Variants in SARNP observed in about 807,000 individuals in gnomAD.
SARNP encodes SAP domain containing ribonucleoprotein, also known as SAP domain-containing ribonucleoprotein.
Under a neutral mutation model 38.1 loss-of-function variants are expected in SARNP, and 5 were observed. That is an observed-to-expected ratio of 0.13 (90% CI 0.07 to 0.28). SARNP has a LOEUF of 0.28. SARNP is among the 10% of genes least tolerant of loss of function. The pLI, the probability that SARNP is intolerant of heterozygous loss-of-function variation, is 1.00. For missense variants in SARNP, 180 were observed against 243.9 expected, an observed-to-expected ratio of 0.74 and a Z score of 1.75; for synonymous variants, 84 against 80.6, an observed-to-expected ratio of 1.04 and a Z score of -0.23.
At chr12:55,782,559 T>G (rs1449210487) in intron 9 of SARNP, among the ~76,000 whole-genome samples, 1 of 152,160 alleles carries the variant, frequency 6.6e-6, no homozygotes, top group Non-Finnish European at 1.5e-5. Context: ...CTTTATTCCC[T>G]CTATCCATCT....
rs139013362 is a variant in SARNP at position 55,790,689 on chromosome 12, C to G, written c.407-97G>C. The G allele has an allele frequency of 3.0e-3, 3,557 of 1,193,296 alleles. 80 individuals are homozygous for G. The East Asian group carries it at 0.064, about 21-fold the overall frequency. The allele number at this position is 1,193,296 out of a possible 1,614,324, so 73.9% of individuals were successfully genotyped here. On this transcript the variant is annotated intron_variant, in intron 7 of 10. Transcript: ENST00000336133. ...AGGCAACATAAAAACATCCTTTATC[C>G]TATGATGACAAAGAAAAGGCAGAAA...
At chr12:55,785,480 A>G (rs1373269632) in intron 9 of SARNP, among the ~76,000 whole-genome samples, 1 of 151,986 alleles carries the variant, frequency 6.6e-6, no homozygotes, top group Non-Finnish European at 1.5e-5. Context: ...TACTGTATAC[A>G]ATTTTTTTTT....
intron 6 of SARNP, 148 bp from the exon 7 acceptor site, chr12:55,794,535 T>A: frequency 1.5e-5 from 11 of 747,770 alleles, no homozygotes; most frequent in Non-Finnish European, 2.1e-5. Flanking sequence ...ATGAAAGAGG[T>A]TCAGAAATTA....
intron 7 of SARNP, among the ~76,000 whole-genome samples, chr12:55,791,457 G>A (rs1343353885): frequency 6.6e-6 from 1 of 152,108 alleles, no homozygotes; most frequent in Non-Finnish European, 1.5e-5. Flanking sequence ...CACTTTTGGA[G>A]GCCAAGGCGG....
rs144122728 is a variant in SARNP, at chr12:55,784,470, C to T, written c.501+4605G>A. On this transcript the variant is annotated intron_variant, in intron 9 of 10. Transcript: ENST00000336133. Reference sequence around the variant, plus strand: ...GCAATTCCAGGATGTGGAACTAGAACGCTAAGTTCTAGAAAAAAAGAATCC... The same window carrying T: ...GCAATTCCAGGATGTGGAACTAGAATGCTAAGTTCTAGAAAAAAAGAATCC... Among the ~76,000 whole-genome samples the T allele has an allele frequency of 3.9e-3, 590 of 152,280 alleles. 5 individuals are homozygous for T. The highest frequency in any genetic ancestry group is 0.014 in the African/African-American group (566 of 41,556).
chr12:55,809,714 G>A (rs1470190961), intron 1 of SARNP, among the ~76,000 whole-genome samples: 1 of 150,416 alleles, frequency 6.6e-6, no homozygotes, highest in Non-Finnish European at 1.5e-5. Context: ...CTGCACTCCA[G>A]CCTGGGCGAC....
chr12:55,814,164 G>T (rs1460594128), intron 1 of SARNP, among the ~76,000 whole-genome samples: 1 of 152,116 alleles, frequency 6.6e-6, no homozygotes, highest in Non-Finnish European at 1.5e-5. Flanking sequence ...GCAGGGGAAT[G>T]ACTCCTATAA....
At chr12:55,785,308 G>A (rs1031128567) in intron 9 of SARNP, among the ~76,000 whole-genome samples, 5 of 152,002 alleles carry the variant, frequency 3.3e-5, no homozygotes, top group South Asian at 2.1e-4. Flanking sequence ...TAAAATGGGC[G>A]CTGAAATCTT....
intron 1 of SARNP, among the ~76,000 whole-genome samples, chr12:55,807,790 G>A (rs1327742536): frequency 5.3e-5 from 8 of 150,962 alleles, no homozygotes; most frequent in African/African-American, 1.9e-4. Flanking sequence ...CTTCCACCGG[G>A]GTGACAGAGC....
chr12:55,814,801 G>A (rs990129189), intron 1 of SARNP, among the ~76,000 whole-genome samples: 76 of 151,828 alleles, frequency 5.0e-4, no homozygotes, highest in African/African-American at 1.5e-3. Flanking sequence ...CCTGGAAGGC[G>A]GAGGTTGCAG....
chr12:55,758,178 G>C (rs1878570928), intron 10 of SARNP, among the ~76,000 whole-genome samples: 1 of 152,134 alleles, frequency 6.6e-6, no homozygotes, highest in Non-Finnish European at 1.5e-5. Flanking sequence ...GAAGACTTCT[G>C]GTTCTGGAAG....
chr12:55,794,359 C>T lies in SARNP; in HGVS notation c.406G>A (p.Gly136Ser). The change falls in exon 7 of 11, where the codon GGT becomes AGT. Residue 136 changes from glycine (G) to serine (S), a missense_variant and splice_region_variant. This residue lies in a region of SARNP where 161 missense variants were observed against 194.1 expected (regional missense o/e 0.83). Transcript: ENST00000336133. Reference sequence around the variant, plus strand: ...CTCAGAAGTATCTCTGTACTCTTACCTTTTGTTGGAACTGAAGAAATCCCA... The same window carrying T: ...CTCAGAAGTATCTCTGTACTCTTACTTTTTGTTGGAACTGAAGAAATCCCA... ...RFGISSVPTK[G>S]LSSDNKPMVN... 6.2e-7 allele frequency: 1 copy of T among 1,608,522 alleles called. No homozygotes were observed. The highest frequency in any genetic ancestry group is 8.5e-7 in the Non-Finnish European group (1 of 1,178,018).
intron 9 of SARNP, among the ~76,000 whole-genome samples, chr12:55,786,980 G>A (rs1681087): frequency 0.28 from 42,458 of 151,796 alleles, 12,656 homozygotes; most frequent in African/African-American, 0.74. Flanking sequence ...CCTATAGTCC[G>A]GCACTTTGGG....
chr12:55,817,690 C>T lies in SARNP; in HGVS notation c.12G>A (p.Glu4=), dbSNP rs751978142. Residue 4 remains glutamate, a synonymous_variant, in exon 1 of 11, where the codon GAG becomes GAA. Transcript: ENST00000336133. Reference sequence around the variant, plus strand: ...CCTTTAGCTTATGGAGCTCCACCGTCTCGGTCGCCATCTTGTTACCCCTCA... The same window carrying T: ...CCTTTAGCTTATGGAGCTCCACCGTTTCGGTCGCCATCTTGTTACCCCTCA... The part of the protein sequence containing the change: MAT[E]TVELHKLKLA... The T allele has an allele frequency of 6.8e-6, 11 of 1,613,426 alleles. No homozygotes were observed. Among genetic ancestry groups the T allele is most frequent in the Non-Finnish European group, 9.3e-6 (11 of 1,179,732 alleles).
intron 4 of SARNP, 30 bp downstream of exon 4, chr12:55,800,532 G>A: frequency 7.0e-7 from 1 of 1,427,784 alleles, no homozygotes; most frequent in South Asian, 1.2e-5. Context: ...TGCCTGCTCT[G>A]TACTCAGATT....
At position 55,817,688 on chromosome 12, in the gene SARNP, G is replaced by T. The variant is rs557490033; in HGVS notation, c.14C>A (p.Thr5Lys). ...TACCTTTAGCTTATGGAGCTCCACC[G>T]TCTCGGTCGCCATCTTGTTACCCCT... MATE[T>K]VELHKLKLAE... The change falls in exon 1 of 11, where the codon ACG becomes AAG. Residue 5 changes from threonine (T) to lysine (K), a missense_variant. Transcript: ENST00000336133. The T allele has an allele frequency of 5.0e-6, 8 of 1,613,032 alleles. No homozygotes were observed. In the Admixed American group the frequency reaches 6.7e-5, roughly 13 times the overall value.
At chr12:55,776,416 C>T (rs1270827061) in intron 9 of SARNP, among the ~76,000 whole-genome samples, 3 of 152,072 alleles carry the variant, frequency 2.0e-5, no homozygotes, top group African/African-American at 7.2e-5. Flanking sequence ...AGTGAGACCA[C>T]ATCTTTAAAA....
chr12:55,755,467 G>C (rs1878477525), downstream of SARNP: 4 of 152,346 alleles, frequency 2.6e-5, no homozygotes, highest in South Asian at 8.3e-4. Context: ...CAGGTATGCA[G>C]AGAATGTCAC....
chr12:55,813,308 T>C lies in SARNP; in HGVS notation c.36+4358A>G, dbSNP rs74091416. 6.6e-3 allele frequency among the ~76,000 whole-genome samples: 1,010 copies of C among 152,242 alleles called. 10 individuals are homozygous for C. The highest frequency in any genetic ancestry group is 0.023 in the African/African-American group (953 of 41,554). Reference sequence around the variant, plus strand: ...AATTATATAAAAAGTGGCCTGACCATGTTTGTGGATAGAACATAGAAAGCT... The same window carrying C: ...AATTATATAAAAAGTGGCCTGACCACGTTTGTGGATAGAACATAGAAAGCT... On this transcript the variant is annotated intron_variant, in intron 1 of 10. Coordinates refer to ENST00000336133, the MANE Select transcript of SARNP (RefSeq NM_033082.4).
Sources: allele counts gnomAD v4.1 joint callset (sites outside exome capture counted in the v4.1 genomes callset), GRCh38; gene constraint gnomAD v4.1.1; regional missense constraint gnomAD v4.1.1; transcripts MANE v1.5; gene names NCBI Gene and HGNC (gene_info 2026-07-23, HGNC 2026-07-21).